Variants in CDK6 observed in about 807,000 individuals in gnomAD.
The protein encoded by CDK6 is cyclin dependent kinase 6.
A neutral mutation model predicts 37.1 loss-of-function variants in CDK6; 6 were observed. That is an observed-to-expected ratio of 0.16 (90% CI 0.09 to 0.32). CDK6 has a LOEUF of 0.32. Ranked by LOEUF, CDK6 falls within the 10% of genes least tolerant of loss-of-function variation. The pLI is 1.00. For synonymous variants in CDK6, 160 were observed against 161.3 expected (o/e 0.99, Z 0.06); for missense variants, 224 against 418.9 (o/e 0.53, Z 4.06).
intron 6 of CDK6, among the ~76,000 whole-genome samples, chr7:92,619,044 T>C (rs1795744727): frequency 6.6e-6 from 1 of 152,172 alleles, no homozygotes. Flanking sequence ...ACAGTTGTAA[T>C]GAGGATCAGT....
chr7:92,732,728 T>C (rs1421922021), intron 3 of CDK6, among the ~76,000 whole-genome samples: 2 of 152,170 alleles, frequency 1.3e-5, no homozygotes, highest in Non-Finnish European at 2.9e-5. Context: ...TATGGGCAAA[T>C]TGGCTAGAGA....
At chr7:92,689,226 T>G (rs1280118494) in intron 4 of CDK6, among the ~76,000 whole-genome samples, 2 of 152,202 alleles carry the variant, frequency 1.3e-5, no homozygotes, top group Non-Finnish European at 2.9e-5. Context: ...CCATTATTTT[T>G]CCTGATCCTT....
intron 3 of CDK6, among the ~76,000 whole-genome samples, chr7:92,739,645 C>T (rs1380522679): frequency 6.6e-6 from 1 of 152,250 alleles, no homozygotes; most frequent in Non-Finnish European, 1.5e-5. Context: ...ATGGCCCTTG[C>T]CAAGTAGTCA....
chr7:92,760,165 A>C (rs1176899139), intron 3 of CDK6, among the ~76,000 whole-genome samples: 1 of 152,192 alleles, frequency 6.6e-6, no homozygotes, highest in Non-Finnish European at 1.5e-5. Context: ...TACTCTCATC[A>C]GCAATTGCTT....
chr7:92,804,596 G>T (rs1800673059), intron 2 of CDK6, among the ~76,000 whole-genome samples: 1 of 152,186 alleles, frequency 6.6e-6, no homozygotes. Context: ...GTTAATGCTA[G>T]ATGGTTGGAC....
intron 3 of CDK6, among the ~76,000 whole-genome samples, chr7:92,774,453 G>GT (rs953417586): frequency 2.6e-5 from 4 of 151,292 alleles, no homozygotes; most frequent in East Asian, 1.9e-4. Flanking sequence ...AGAACTAAAG[G>GT]TTTTTTTTTC....
At chr7:92,688,843 A>AACC (rs1187095286) in intron 4 of CDK6, among the ~76,000 whole-genome samples, 4 of 152,160 alleles carry the variant, frequency 2.6e-5, no homozygotes, top group Non-Finnish European at 5.9e-5. Flanking sequence ...TTAAGGGGCA[A>AACC]ACCACATTCC....
intron 2 of CDK6, among the ~76,000 whole-genome samples, chr7:92,776,735 CT>C (rs1799860808): frequency 6.6e-6 from 1 of 152,060 alleles, no homozygotes; most frequent in Non-Finnish European, 1.5e-5. Context: ...TGTTCATATC[CT>C]TTGTCCACTT....
At chr7:92,762,064 G>A (rs1799468492) in intron 3 of CDK6, among the ~76,000 whole-genome samples, 1 of 152,138 alleles carries the variant, frequency 6.6e-6, no homozygotes, top group Non-Finnish European at 1.5e-5. Flanking sequence ...TTGTACTAAA[G>A]ATATAAGTCA....
chr7:92,690,877 C>T (rs1035332983), intron 4 of CDK6, among the ~76,000 whole-genome samples: 1 of 152,056 alleles, frequency 6.6e-6, no homozygotes, highest in African/African-American at 2.4e-5. Flanking sequence ...TTGGTATAAC[C>T]ATTATGGGAG....
intron 4 of CDK6, among the ~76,000 whole-genome samples, chr7:92,678,781 T>A (rs1239624875): frequency 1.3e-5 from 2 of 152,240 alleles, no homozygotes; most frequent in Non-Finnish European, 2.9e-5. Context: ...TGGACCTGTA[T>A]CTGCCATATG....
intron 4 of CDK6, among the ~76,000 whole-genome samples, chr7:92,689,991 T>C (rs1483733596): frequency 6.6e-6 from 1 of 152,160 alleles, no homozygotes; most frequent in Non-Finnish European, 1.5e-5. Context: ...CTTGTAAATT[T>C]GTATGTTTCT....
intron 4 of CDK6, 116 bp from the exon 5 acceptor site, chr7:92,671,651 T>C (rs1185711835): frequency 4.1e-6 from 2 of 485,178 alleles, no homozygotes; most frequent in Non-Finnish European, 7.3e-6. Context: ...CTATAAATCA[T>C]ATAAGGACAC....
At chr7:92,727,112 C>T (rs920616692) in intron 3 of CDK6, among the ~76,000 whole-genome samples, 4 of 152,156 alleles carry the variant, frequency 2.6e-5, no homozygotes, top group African/African-American at 9.7e-5. Context: ...AAGACATTGG[C>T]CATGATGTCA....
chr7:92,828,922 A>T (rs1250373660), intron 2 of CDK6, among the ~76,000 whole-genome samples: 2 of 152,200 alleles, frequency 1.3e-5, no homozygotes, highest in Admixed American at 1.3e-4. Flanking sequence ...GACAGAAAGA[A>T]CAAACATACT....
chr7:92,649,368 A>G (rs1004484897), intron 5 of CDK6, among the ~76,000 whole-genome samples: 1 of 152,192 alleles, frequency 6.6e-6, no homozygotes, highest in Non-Finnish European at 1.5e-5. Context: ...TAAAAACACC[A>G]GTGAAGTGGG....
At chr7:92,787,185 CAA>C (rs761038672) in intron 2 of CDK6, among the ~76,000 whole-genome samples, 5 of 35,460 alleles carry the variant, frequency 1.4e-4, no homozygotes, top group African/African-American at 5.1e-4. Context: ...GACTCCATCA[CAA>C]AAAAAAAAAA....
intron 5 of CDK6, among the ~76,000 whole-genome samples, chr7:92,657,166 C>T (rs1050783140): frequency 2.0e-5 from 3 of 151,862 alleles, no homozygotes; most frequent in Non-Finnish European, 4.4e-5. Flanking sequence ...GTTTTATAAT[C>T]AAAAGTGGGT....
At chr7:92,746,795 A>T (rs1304199896) in intron 3 of CDK6, among the ~76,000 whole-genome samples, 1 of 152,140 alleles carries the variant, frequency 6.6e-6, no homozygotes, top group African/African-American at 2.4e-5. Flanking sequence ...GATGGGGGAA[A>T]TATTTACTAT....
Sources: allele counts gnomAD v4.1 joint callset (sites outside exome capture counted in the v4.1 genomes callset), GRCh38; gene constraint gnomAD v4.1.1; transcripts MANE v1.5; gene names NCBI Gene and HGNC (gene_info 2026-07-23, HGNC 2026-07-21).